The following NXPH2 variants were observed in gnomAD, a reference collection of about 807,000 sequenced individuals.
NXPH2 encodes neurexophilin-2.
A neutral mutation model predicts 19.8 loss-of-function variants in NXPH2; 5 were observed. The observed-to-expected ratio is 0.25, with a 90% CI of 0.13 to 0.53. The LOEUF (loss-of-function observed/expected upper bound fraction) is 0.53. Ranked by LOEUF, NXPH2 falls within the 20% of genes least tolerant of loss-of-function variation. The pLI is 0.96. For synonymous variants in NXPH2, 154 were observed against 127.4 expected, an observed-to-expected ratio of 1.21 and a Z score of -1.41; for missense variants, 289 against 322.8, an observed-to-expected ratio of 0.90 and a Z score of 0.80.
intron 1 of NXPH2, among the ~76,000 whole-genome samples, chr2:138,743,927 C>A (rs963551642): frequency 7.1e-6 from 1 of 140,096 alleles, no homozygotes; most frequent in African/African-American, 2.7e-5. Context: ...TCCTTGAAAC[C>A]AGGAGGTGGA....
chr2:138,763,948 T>G (rs1682053184), intron 1 of NXPH2, among the ~76,000 whole-genome samples: 1 of 152,168 alleles, frequency 6.6e-6, no homozygotes, highest in East Asian at 1.9e-4. Flanking sequence ...AGCATTTATC[T>G]GATGCTTACT....
intron 1 of NXPH2, among the ~76,000 whole-genome samples, chr2:138,705,660 C>T (rs1023506280): frequency 9.8e-5 from 15 of 152,294 alleles, no homozygotes; most frequent in African/African-American, 3.4e-4. Flanking sequence ...AACTATCTCC[C>T]AAGGGAACCT....
At chr2:138,776,815 T>C (rs1682270759) in intron 1 of NXPH2, among the ~76,000 whole-genome samples, 1 of 152,048 alleles carries the variant, frequency 6.6e-6, no homozygotes, top group Admixed American at 6.5e-5. Context: ...TAAACAAATA[T>C]TAAAATTATT....
chr2:138,766,100 T>A (rs953548266), intron 1 of NXPH2, among the ~76,000 whole-genome samples: 4 of 152,120 alleles, frequency 2.6e-5, no homozygotes, highest in Non-Finnish European at 5.9e-5. Flanking sequence ...TTTATTACCC[T>A]CAAAAAGGAA....
At chr2:138,731,547 C>T (rs1681451043) in intron 1 of NXPH2, among the ~76,000 whole-genome samples, 1 of 151,952 alleles carries the variant, frequency 6.6e-6, no homozygotes, top group Non-Finnish European at 1.5e-5. Context: ...AATGATTGGG[C>T]TAAAAATGCT....
chr2:138,780,235 G>A lies in NXPH2; in HGVS notation c.7C>T (p.Leu3=), dbSNP rs1682330715. ...ACCACCACGAGGGGCAGCGGCCGCA[G>A]GCGCATGGTGCCGGCTGGCGCGGCT... MR[L]RPLPLVVVPG... The change falls in exon 1 of 2, where the codon CTG becomes TTG. Residue 3 remains leucine (L), a synonymous_variant. Transcript: ENST00000272641. The A allele has an allele frequency of 1.4e-6, 2 of 1,456,642 alleles. No individual in the cohort carries two copies. Among genetic ancestry groups the A allele is most frequent in the African/African-American group, 1.5e-5 (1 of 67,088 alleles). 90.2% of individuals were successfully genotyped at this position (1,456,642 alleles called of 1,614,324 possible).
At chr2:138,756,586 G>C (rs1681912907) in intron 1 of NXPH2, among the ~76,000 whole-genome samples, 1 of 151,730 alleles carries the variant, frequency 6.6e-6, no homozygotes, top group Non-Finnish European at 1.5e-5. Flanking sequence ...TCTTGCTCTT[G>C]GGAAACAATT....
chr2:138,749,046 C>CA (rs1370634954), intron 1 of NXPH2, among the ~76,000 whole-genome samples: 1 of 152,016 alleles, frequency 6.6e-6, no homozygotes, highest in Non-Finnish European at 1.5e-5. Flanking sequence ...TATTGTTAGG[C>CA]AAATTTCACC....
chr2:138,704,681 G>A (rs544078962), intron 1 of NXPH2, among the ~76,000 whole-genome samples: 3 of 152,218 alleles, frequency 2.0e-5, no homozygotes, highest in Admixed American at 6.5e-5. Flanking sequence ...TAGAGACAGG[G>A]TCTTGCTCTC....
Position 138,670,517 on chromosome 2 carries a change from G to T in NXPH2, c.*405C>A, listed in dbSNP as rs1195735290. 6.6e-6 allele frequency among the ~76,000 whole-genome samples: 1 copy of T among 152,090 alleles called. No individual in the cohort carries two copies. Among genetic ancestry groups the T allele is most frequent in the Non-Finnish European group, 1.5e-5 (1 of 68,020 alleles). The stretch of plus-strand genomic sequence containing the variant: ...ATCAAATACAATCTTTTCCTTTACC[G>T]CATCTGCTGTTTCTGCGGTAACCTT... On this transcript the variant is annotated 3_prime_UTR_variant, in exon 2 of 2. Coordinates refer to ENST00000272641, the MANE Select transcript of NXPH2 (RefSeq NM_007226.3).
At chr2:138,748,363 T>C (rs1477443533) in intron 1 of NXPH2, among the ~76,000 whole-genome samples, 1 of 152,220 alleles carries the variant, frequency 6.6e-6, no homozygotes, top group East Asian at 1.9e-4. Context: ...TCATCATTTG[T>C]ATCTTCTGCA....
intron 1 of NXPH2, among the ~76,000 whole-genome samples, chr2:138,712,740 A>G (rs989314036): frequency 1.3e-5 from 2 of 152,146 alleles, no homozygotes; most frequent in African/African-American, 4.8e-5. Context: ...GCCTCTGACC[A>G]CAAAGTCCAC....
At chr2:138,749,472 A>T (rs189282320) in intron 1 of NXPH2, among the ~76,000 whole-genome samples, 73 of 152,238 alleles carry the variant, frequency 4.8e-4, no homozygotes, top group African/African-American at 1.7e-3. Flanking sequence ...GATTATTGAC[A>T]TGTTTTAAAC....
intron 1 of NXPH2, among the ~76,000 whole-genome samples, chr2:138,696,185 T>C: frequency 6.6e-6 from 1 of 152,170 alleles, no homozygotes; most frequent in East Asian, 1.9e-4. Context: ...TGAACCAGTA[T>C]CCTTAAAAAG....
chr2:138,745,497 G>GT (rs200324522), intron 1 of NXPH2, among the ~76,000 whole-genome samples: 43 of 98,512 alleles, frequency 4.4e-4, no homozygotes, highest in Middle Eastern at 4.9e-3. Context: ...TTTTGGCGGG[G>GT]GGGGGGGGGT....
chr2:138,678,624 GT>G (rs1445476910), intron 1 of NXPH2, among the ~76,000 whole-genome samples: 4 of 151,918 alleles, frequency 2.6e-5, no homozygotes, highest in African/African-American at 9.7e-5. Context: ...TTTACATGTT[GT>G]TAATGTGTCT....
chr2:138,685,992 G>A (rs1267800383), intron 1 of NXPH2, among the ~76,000 whole-genome samples: 1 of 152,008 alleles, frequency 6.6e-6, no homozygotes, highest in Non-Finnish European at 1.5e-5. Context: ...CTCTTATGAT[G>A]TCTGATTTAC....
At chr2:138,731,298 CT>C (rs1402190808) in intron 1 of NXPH2, among the ~76,000 whole-genome samples, 2 of 151,996 alleles carry the variant, frequency 1.3e-5, no homozygotes, top group African/African-American at 4.8e-5. Context: ...AAAAAAATCA[CT>C]GAAAGCAAAC....
At position 138,670,946 on chromosome 2, in the gene NXPH2, C is replaced by T. The variant is rs372924037; in HGVS notation, c.771G>A (p.Glu257=). The T allele has an allele frequency of 1.2e-5, 19 of 1,613,488 alleles. No homozygotes were observed. Among genetic ancestry groups the T allele is most frequent in the Non-Finnish European group, 2.5e-6 (3 of 1,179,630 alleles). The change falls in exon 2 of 2, where the codon GAG becomes GAA. Residue 257 remains glutamate (E), a synonymous_variant. Transcript: ENST00000272641. The part of the protein sequence containing the change: ...KVCPDYNYHS[E]TPYLSSG ...ATCAGCCAGAAGATAAGTATGGGGT[C>T]TCACTATGGTAATTGTAGTCAGGGC... is the stretch of plus-strand genomic sequence containing the variant.
Sources: gnomAD v4.1 joint callset for allele counts (sites outside exome capture counted in the v4.1 genomes callset) on GRCh38, gnomAD v4.1.1 for gene constraint, MANE v1.5 for transcripts, NCBI Gene and HGNC (gene_info 2026-07-23, HGNC 2026-07-21) for gene names.